PRR14: variants seen among roughly 807,000 people sequenced by gnomAD.
The protein encoded by PRR14 is proline rich 14, also known as proline-rich protein 14.
In PRR14, 33 loss-of-function variants were observed where a neutral mutation model predicts 57.2. That is an observed-to-expected ratio of 0.58 (90% confidence interval 0.44 to 0.77). The LOEUF (loss-of-function observed/expected upper bound fraction) is 0.77. Ranked by LOEUF, PRR14 falls within the 30% of genes least tolerant of loss-of-function variation. The pLI is 0.00. For synonymous variants in PRR14, 303 were observed against 314.7 expected (o/e 0.96, Z 0.39); for missense variants, 716 against 788.1 (o/e 0.91, Z 1.10).
chr16:30,656,395 G>GTT lies in PRR14; in HGVS notation c.*87_*88dup. On this transcript the variant is annotated 3_prime_UTR_variant, in exon 12 of 12. Transcript: ENST00000300835. ...TTTTTTTCTCTATATTTCTAGTAAA[G>GTT]TTTTCGATATGTTTCTGATTCTTTT... 2 of 1,301,892 alleles carry GTT rather than the reference G, an allele frequency of 1.5e-6. No homozygotes were observed. The allele number at this position is 1,301,892 out of a possible 1,614,324, so 80.6% of individuals were successfully genotyped here.
Position 30,651,638 on chromosome 16 carries a change from C to T in PRR14, c.-8C>T. The stretch of plus-strand genomic sequence containing the variant: ...CCCAGGGACCCCCCCGGAGCCGCCG[C>T]GTCTCCCATGGACTTGCCCGGGGAC... On this transcript the variant is annotated 5_prime_UTR_variant, in exon 2 of 12. Coordinates refer to ENST00000300835, the MANE Select transcript of PRR14 (RefSeq NM_024031.5). The surrounding 1 kb of genome is among the most constrained non-coding windows in gnomAD (Gnocchi z 5.0). The T allele has an allele frequency of 1.9e-6, 3 of 1,598,588 alleles. No homozygotes were observed. The highest frequency in any genetic ancestry group is 1.7e-6 in the Non-Finnish European group (2 of 1,171,534).
chr16:30,655,574 G>A lies in PRR14; in HGVS notation c.1387G>A (p.Gly463Arg). ...TCCTCAGCTAAACCTTACACCAATG[G>A]GACTGCCTCGACCAATCAGGTGAGG... ...ARPQLNLTPM[G>R]LPRPIRLNKK... Residue 463 changes from glycine to arginine, a missense_variant, in exon 10 of 12, where the codon GGA (glycine) becomes AGA (arginine). Coordinates refer to ENST00000300835, the MANE Select transcript of PRR14 (RefSeq NM_024031.5). This position sits in a 1 kb window ranked among gnomAD's most constrained non-coding sequence, Gnocchi z 4.6. 6.2e-7 allele frequency: 1 copy of A among 1,614,188 alleles called. No homozygotes were observed. Among genetic ancestry groups the A allele is most frequent in the Non-Finnish European group, 8.5e-7 (1 of 1,180,026 alleles).
rs114820433 is a variant in PRR14 at position 30,654,303 on chromosome 16, G to T, written c.622G>T (p.Ala208Ser). ...CCTAGAACCCCCATTCCAGCCATCT[G>T]CTCTGCCTGCAGACCCTCTGGAGAG... ...GDLEPPFQPS[A>S]LPADPLESPP... The change falls in exon 7 of 12, where the codon GCT becomes TCT. Residue 208 changes from alanine (A) to serine (S), a missense_variant. Physicochemically the swap from Ala to Ser is moderately conservative, Grantham distance 99 (BLOSUM62 1). Transcript: ENST00000300835. 6.2e-7 allele frequency: 1 copy of T among 1,614,056 alleles called. No individual in the cohort carries two copies. Among genetic ancestry groups the T allele is most frequent in the Non-Finnish European group, 8.5e-7 (1 of 1,179,968 alleles).
Position 30,654,757 on chromosome 16 carries a change from A to G in PRR14, c.787A>G (p.Ile263Val), listed in dbSNP as rs2052348501. The G allele has an allele frequency of 1.2e-6, 2 of 1,613,372 alleles. No homozygotes were observed. The highest frequency in any genetic ancestry group is 1.7e-5 in the Admixed American group (1 of 60,020). ...VRSKLESFAD[I>V]FLTPNKTPQP... ...CTCCAAGCTGGAGAGCTTTGCTGAC[A>G]TCTTCCTCACGCCCAACAAAACCCC... Residue 263 changes from isoleucine to valine, a missense_variant, in exon 8 of 12, where the codon ATC becomes GTC. By Grantham distance (29) the Ile-to-Val change is conservative. Transcript: ENST00000300835.
rs770174059 is a variant in PRR14 at position 30,655,339 on chromosome 16, C to T, written c.1245-12C>T. 15 of 1,613,964 alleles carry T rather than the reference C, an allele frequency of 9.3e-6. No individual in the cohort carries two copies. The highest frequency in any genetic ancestry group is 1.3e-5 in the Non-Finnish European group (15 of 1,179,984). On this transcript the variant is annotated splice_polypyrimidine_tract_variant and intron_variant, in intron 8 of 11. Coordinates refer to ENST00000300835, the MANE Select transcript of PRR14 (RefSeq NM_024031.5). This position sits in a 1 kb window ranked among gnomAD's most constrained non-coding sequence, Gnocchi z 4.6. ...AATCCTGTTTGTCCCTGAGCCTTGACCTTCTTGGCAGGTTGGGTTCAACCA... is the reference window on the plus strand; with the variant it reads ...AATCCTGTTTGTCCCTGAGCCTTGATCTTCTTGGCAGGTTGGGTTCAACCA...
rs1299415656 is a variant in PRR14, at chr16:30,653,092, C to T, written c.493C>T (p.Pro165Ser). The T allele has an allele frequency of 3.1e-6, 5 of 1,605,334 alleles. No homozygotes were observed. The Admixed American group carries it at 6.8e-5, about 22-fold the overall frequency. The change falls in exon 5 of 12, where the codon CCC becomes TCC. Residue 165 changes from proline (P) to serine (S), a missense_variant. Coordinates refer to ENST00000300835, the MANE Select transcript of PRR14 (RefSeq NM_024031.5). Reference protein sequence around the residue: ...VMLEDIASPRPPAEGFIDETP... With the variant: ...VMLEDIASPRSPAEGFIDETP... ...GCTGGAAGACATCGCCAGTCCTAGA[C>T]CCCCCGCTGAGGTATGGGAACTGAG... is the stretch of plus-strand genomic sequence containing the variant.
intron 5 of PRR14, 27 bp from the exon 6 acceptor site, chr16:30,653,338 C>T (rs200584702): frequency 1.9e-4 from 303 of 1,613,076 alleles, no homozygotes; most frequent in Admixed American, 3.7e-4. Flanking sequence ...TCCTGCCTCC[C>T]CACAAACATC....
chr16:30,654,127 T>C (rs574518645), intron 6 of PRR14, 103 bp from the exon 7 acceptor site: 1 of 749,332 alleles, frequency 1.3e-6, no homozygotes, highest in African/African-American at 2.0e-5. Flanking sequence ...AGGCTCTGTC[T>C]CAAAAAAAAA....
At position 30,651,981 on chromosome 16, in the gene PRR14, AAG is replaced by A. The variant is rs755203636; in HGVS notation, c.192+21_192+22del. 2 of 1,522,448 alleles carry A rather than the reference AAG, an allele frequency of 1.3e-6. No individual in the cohort carries two copies. The highest frequency in any genetic ancestry group is 1.8e-6 in the Non-Finnish European group (2 of 1,138,210). 94.3% of individuals were successfully genotyped at this position (1,522,448 alleles called of 1,614,324 possible). On this transcript the variant is annotated intron_variant, in intron 3 of 11. Transcript: ENST00000300835. This position sits in a 1 kb window ranked among gnomAD's most constrained non-coding sequence, Gnocchi z 5.0. The stretch of plus-strand genomic sequence containing the variant: ...GTTCACATGGTGAGCCCCCTGAACC[AAG>A]AGACTCTCTATTCCCCCATGACTTT...
At chr16:30,652,325 T>G in intron 3 of PRR14, 1 of 565,214 alleles carries the variant, frequency 1.8e-6, no homozygotes, top group Non-Finnish European at 3.3e-6. Context: ...CCTCCCAAAG[T>G]ATTGGGATTA....
In PRR14 at chr16:30,654,806, C is replaced by A; in HGVS notation, c.836C>A (p.Pro279Gln). The A allele has an allele frequency of 1.2e-6, 2 of 1,601,918 alleles. No homozygotes were observed. The highest frequency in any genetic ancestry group is 1.7e-6 in the Non-Finnish European group (2 of 1,171,460). Residue 279 changes from proline (P) to glutamine (Q), a missense_variant, in exon 8 of 12, where the codon CCA (proline) becomes CAA (glutamine). Transcript: ENST00000300835. ...CCACAGCCCCCACCCCCGTCCCCCCCAATGAAGCTGGAGTTGAAGATCGCC... is the reference window on the plus strand; with the variant it reads ...CCACAGCCCCCACCCCCGTCCCCCCAAATGAAGCTGGAGTTGAAGATCGCC... ...KTPQPPPPSPPMKLELKIAIS... is the reference protein window; with the variant it reads ...KTPQPPPPSPQMKLELKIAIS...
At position 30,651,770 on chromosome 16, in the gene PRR14, C is replaced by T. The variant is rs777982688; in HGVS notation, c.24-26C>T. 1 of 1,608,630 alleles carries T rather than the reference C, an allele frequency of 6.2e-7. No individual in the cohort carries two copies. Among genetic ancestry groups the T allele is most frequent in the Admixed American group, 1.7e-5 (1 of 60,008 alleles). On this transcript the variant is annotated intron_variant, in intron 2 of 11. Coordinates refer to ENST00000300835, the MANE Select transcript of PRR14 (RefSeq NM_024031.5). This position sits in a 1 kb window ranked among gnomAD's most constrained non-coding sequence, Gnocchi z 5.0. ...AGAGCCAGCGACAGGTTCGGGCGAC[C>T]GTCCTCTGCTTCTTTCACCCTCCAG...
chr16:30,651,566 CCCCGCT>C lies in PRR14; in HGVS notation c.-50-26_-50-21del. The stretch of plus-strand genomic sequence containing the variant: ...CCCAGGGAAGGGGCCGGCCCTCACC[CCCCGCT>C]CCCCCGCTCCCCCCTTACCCCAGGC... On this transcript the variant is annotated intron_variant, in intron 1 of 11. Coordinates refer to ENST00000300835, the MANE Select transcript of PRR14 (RefSeq NM_024031.5). The surrounding 1 kb of genome is among the most constrained non-coding windows in gnomAD (Gnocchi z 5.0). 81 of 853,550 alleles carry C rather than the reference CCCCGCT, an allele frequency of 9.5e-5. No individual in the cohort carries two copies. Among genetic ancestry groups the C allele is most frequent in the Middle Eastern group, 3.8e-4 (1 of 2,636 alleles). 52.9% of individuals were successfully genotyped at this position (853,550 alleles called of 1,614,324 possible).
chr16:30,652,514 G>A (rs2052323752), intron 3 of PRR14: 1 of 641,218 alleles, frequency 1.6e-6, no homozygotes, highest in Non-Finnish European at 2.7e-6. Flanking sequence ...GCGTGGATGA[G>A]ATTACCCAGG....
Position 30,651,030 on chromosome 16 carries a change from C to T in PRR14, c.-148C>T, listed in dbSNP as rs1445075006. On this transcript the variant is annotated 5_prime_UTR_variant, in exon 1 of 12. Coordinates refer to ENST00000300835, the MANE Select transcript of PRR14 (RefSeq NM_024031.5). The surrounding 1 kb of genome is among the most constrained non-coding windows in gnomAD (Gnocchi z 5.0). ...GATCTACGCTGAGTTCGGAGATGCT[C>T]CAGCTCGGGCCGCCCCTGTCTGAGC... The T allele has an allele frequency of 2.2e-6, 1 of 456,464 alleles. No homozygotes were observed. Among genetic ancestry groups the T allele is most frequent in the Non-Finnish European group, 4.4e-6 (1 of 226,776 alleles). 28.3% of individuals were successfully genotyped at this position (456,464 alleles called of 1,614,324 possible).
Position 30,655,897 on chromosome 16 carries a change from A to C in PRR14, c.1436A>C (p.Glu479Ala). The part of the protein sequence containing the change: ...RLNKKEFSLE[E>A]IYTNKNYQSP... ...AACAAGAAGGAGTTCAGCTTGGAAG[A>C]AATTTACACCAACAAGAATTACCAA... The change falls in exon 11 of 12, where the codon GAA becomes GCA. Residue 479 changes from glutamate (E) to alanine (A), a missense_variant. Transcript: ENST00000300835. This position sits in a 1 kb window ranked among gnomAD's most constrained non-coding sequence, Gnocchi z 4.6. 1 of 1,614,170 alleles carries C rather than the reference A, an allele frequency of 6.2e-7. No homozygotes were observed. Among genetic ancestry groups the C allele is most frequent in the Non-Finnish European group, 8.5e-7 (1 of 1,180,034 alleles).
Position 30,651,856 on chromosome 16 carries a change from G to C in PRR14, c.84G>C (p.Arg28Ser). 6.2e-7 allele frequency: 1 copy of C among 1,607,516 alleles called. No homozygotes were observed. The highest frequency in any genetic ancestry group is 8.5e-7 in the Non-Finnish European group (1 of 1,178,814). ...QPLTRALWGARSPKRPRLQLP... is the reference protein window; with the variant it reads ...QPLTRALWGASSPKRPRLQLP... ...TGACTCGAGCATTATGGGGAGCCAGGAGCCCGAAACGGCCGAGGCTGCAGC... is the reference window on the plus strand; with the variant it reads ...TGACTCGAGCATTATGGGGAGCCAGCAGCCCGAAACGGCCGAGGCTGCAGC... Residue 28 changes from arginine (R) to serine (S), a missense_variant, in exon 3 of 12, where the codon AGG (arginine) becomes AGC (serine). Physicochemically the swap from Arg to Ser is moderately radical, Grantham distance 110 (BLOSUM62 -1). Coordinates refer to ENST00000300835, the MANE Select transcript of PRR14 (RefSeq NM_024031.5). The surrounding 1 kb of genome is among the most constrained non-coding windows in gnomAD (Gnocchi z 5.0).
Position 30,655,568 on chromosome 16 carries a change from C to A in PRR14, c.1381C>A (p.Pro461Thr). 1.9e-6 allele frequency: 3 copies of A among 1,614,220 alleles called. No homozygotes were observed. The highest frequency in any genetic ancestry group is 2.5e-6 in the Non-Finnish European group (3 of 1,180,034). Reference sequence around the variant, plus strand: ...AGCCCGTCCTCAGCTAAACCTTACACCAATGGGACTGCCTCGACCAATCAG... The same window carrying A: ...AGCCCGTCCTCAGCTAAACCTTACAACAATGGGACTGCCTCGACCAATCAG... ...TPARPQLNLTPMGLPRPIRLN... is the reference protein window; with the variant it reads ...TPARPQLNLTTMGLPRPIRLN... The change falls in exon 10 of 12, where the codon CCA becomes ACA. Residue 461 changes from proline (P) to threonine (T), a missense_variant. By Grantham distance (38) the Pro-to-Thr change is conservative. Transcript: ENST00000300835. The surrounding 1 kb of genome is among the most constrained non-coding windows in gnomAD (Gnocchi z 4.6).
At chr16:30,652,025 G>A (rs987333411) in intron 3 of PRR14, 61 bp downstream of exon 3, 15 of 1,488,004 alleles carry the variant, frequency 1.0e-5, no homozygotes, top group Admixed American at 2.3e-5. Context: ...TACCAAACTC[G>A]GGCCAGATCC....
Sources: allele counts gnomAD v4.1 joint callset, GRCh38; gene constraint gnomAD v4.1.1; non-coding constraint Gnocchi (gnomAD v3.1); transcripts MANE v1.5; gene names NCBI Gene and HGNC (gene_info 2026-07-23, HGNC 2026-07-21).